HIPK2: variants seen among roughly 807,000 people sequenced by gnomAD.
HIPK2 encodes homeodomain interacting protein kinase 2.
In HIPK2, 27 loss-of-function variants were observed where a neutral mutation model predicts 113.7. That is an observed-to-expected ratio of 0.24 (90% CI 0.17 to 0.33). HIPK2 has a LOEUF of 0.33. HIPK2 is among the 10% of genes least tolerant of loss of function. HIPK2 has a pLI of 1.00. For missense variants in HIPK2, 1,257 were observed against 1,588.0 expected (o/e 0.79, Z 3.54); for synonymous variants, 631 against 642.2 (o/e 0.98, Z 0.26).
intron 1 of HIPK2, among the ~76,000 whole-genome samples, chr7:139,746,961 G>C (rs974221751): frequency 1.3e-5 from 2 of 152,194 alleles, no homozygotes; most frequent in Non-Finnish European, 1.5e-5. Context: ...AAATCAGAAT[G>C]ATAACTAAGT....
intron 6 of HIPK2, among the ~76,000 whole-genome samples, chr7:139,624,833 T>C (rs1217737857): frequency 6.6e-6 from 1 of 152,244 alleles, no homozygotes; most frequent in East Asian, 1.9e-4. Context: ...AAGACTCATC[T>C]GTCTTCTCTA....
At chr7:139,597,086 T>C in intron 11 of HIPK2, 88 bp from the exon 12 acceptor site, 1 of 1,411,330 alleles carries the variant, frequency 7.1e-7, no homozygotes, top group South Asian at 1.4e-5. Context: ...AAACACCTGC[T>C]TTGCCAAATC....
At chr7:139,664,550 C>G (rs1469206742) in intron 2 of HIPK2, among the ~76,000 whole-genome samples, 4 of 151,986 alleles carry the variant, frequency 2.6e-5, no homozygotes, top group African/African-American at 9.7e-5. Flanking sequence ...AAAAAAGTAG[C>G]TTGAGGATTT....
chr7:139,722,545 A>G (rs2116983754), intron 1 of HIPK2, among the ~76,000 whole-genome samples: 1 of 152,292 alleles, frequency 6.6e-6, no homozygotes, highest in African/African-American at 2.4e-5. Context: ...TATGTCTATA[A>G]AATGCTAGAC....
At chr7:139,624,215 G>T (rs1297247375) in intron 6 of HIPK2, among the ~76,000 whole-genome samples, 2 of 152,104 alleles carry the variant, frequency 1.3e-5, no homozygotes, top group Non-Finnish European at 2.9e-5. Context: ...GTAGAGATGG[G>T]GTTTTACCAT....
At chr7:139,719,264 G>A (rs948629643) in intron 1 of HIPK2, among the ~76,000 whole-genome samples, 23 of 151,908 alleles carry the variant, frequency 1.5e-4, no homozygotes, top group African/African-American at 3.4e-4. Flanking sequence ...GCGCCACCAC[G>A]CCCAGCTAAT....
At chr7:139,688,811 A>T (rs192222347) in intron 2 of HIPK2, among the ~76,000 whole-genome samples, 1 of 152,202 alleles carries the variant, frequency 6.6e-6, no homozygotes, top group Non-Finnish European at 1.5e-5. Flanking sequence ...AATGTTCATT[A>T]TAAGACGGAT....
intron 7 of HIPK2, among the ~76,000 whole-genome samples, chr7:139,618,654 G>A (rs190659877): frequency 2.3e-4 from 35 of 152,272 alleles, no homozygotes; most frequent in Non-Finnish European, 3.5e-4. Context: ...GCAAGATGGC[G>A]GTGGCCCCCC....
chr7:139,668,075 G>A (rs938864495), intron 2 of HIPK2, among the ~76,000 whole-genome samples: 3 of 147,272 alleles, frequency 2.0e-5, no homozygotes, highest in African/African-American at 7.5e-5. Context: ...GCAGCAAGCC[G>A]AGATCAAACC....
At position 139,653,584 on chromosome 7, in the gene HIPK2, T is replaced by C. The variant is rs146356510; in HGVS notation, c.1104-21859A>G. ...GCAAAGGAAATCAGCTTCCACTGCCTCAAGAAGCACAGCCTGGGATTACCT... is the reference window on the plus strand; with the variant it reads ...GCAAAGGAAATCAGCTTCCACTGCCCCAAGAAGCACAGCCTGGGATTACCT... On this transcript the variant is annotated intron_variant, in intron 2 of 14. Transcript: ENST00000406875. Among the ~76,000 whole-genome samples, 763 of 151,844 alleles carry C rather than the reference T, an allele frequency of 5.0e-3. 4 individuals carry two copies. Among genetic ancestry groups the C allele is most frequent in the African/African-American group, 0.017 (713 of 41,372 alleles).
At chr7:139,643,599 G>A (rs990400609) in intron 2 of HIPK2, among the ~76,000 whole-genome samples, 2 of 152,154 alleles carry the variant, frequency 1.3e-5, no homozygotes, top group African/African-American at 4.8e-5. Context: ...GAGCATACTG[G>A]CCTCTAAATT....
intron 1 of HIPK2, among the ~76,000 whole-genome samples, chr7:139,740,618 G>C (rs1383112042): frequency 6.6e-6 from 1 of 152,230 alleles, no homozygotes; most frequent in Admixed American, 6.5e-5. Context: ...AGAGCAACTA[G>C]ACAAGGAAGA....
chr7:139,590,524 A>T (rs1171037018), intron 12 of HIPK2, among the ~76,000 whole-genome samples: 1 of 152,188 alleles, frequency 6.6e-6, no homozygotes, highest in Non-Finnish European at 1.5e-5. Flanking sequence ...CATCTCCTCC[A>T]ATAACTTCTT....
intron 2 of HIPK2, among the ~76,000 whole-genome samples, chr7:139,663,084 G>A (rs1429594224): frequency 6.6e-6 from 1 of 151,982 alleles, no homozygotes; most frequent in African/African-American, 2.4e-5. Context: ...CATGACCTTC[G>A]ACACTAATTC....
chr7:139,673,753 T>C (rs1802388779), intron 2 of HIPK2, among the ~76,000 whole-genome samples: 1 of 151,724 alleles, frequency 6.6e-6, no homozygotes, highest in Non-Finnish European at 1.5e-5. Context: ...TGTTAAAAAA[T>C]TTGCTGACTT....
At chr7:139,629,070 C>T (rs10276928) in intron 4 of HIPK2, 31 bp from the exon 5 acceptor site, 185,426 of 1,543,914 alleles carry the variant, frequency 0.12, 13,985 homozygotes, top group African/African-American at 0.37. Flanking sequence ...CAATTGGTAG[C>T]GTGACTTAGC....
intron 2 of HIPK2, among the ~76,000 whole-genome samples, chr7:139,701,522 T>C (rs1239697200): frequency 1.3e-5 from 2 of 152,230 alleles, no homozygotes; most frequent in East Asian, 3.9e-4. Flanking sequence ...CCAACTCACA[T>C]AGCTGGCGGG....
intron 2 of HIPK2, among the ~76,000 whole-genome samples, chr7:139,677,630 G>GCAAA (rs1802549081): frequency 6.6e-6 from 1 of 152,086 alleles, no homozygotes; most frequent in East Asian, 1.9e-4. Context: ...GAACGTGCAG[G>GCAAA]TTTGGTACAT....
intron 1 of HIPK2, among the ~76,000 whole-genome samples, chr7:139,753,672 C>T (rs1350918886): frequency 6.6e-6 from 1 of 152,158 alleles, no homozygotes; most frequent in East Asian, 1.9e-4. Flanking sequence ...AAAGTGTATG[C>T]TTGCAGAGTG....
Sources: allele counts gnomAD v4.1 joint callset (sites outside exome capture counted in the v4.1 genomes callset), GRCh38; gene constraint gnomAD v4.1.1; transcripts MANE v1.5; gene names NCBI Gene and HGNC (gene_info 2026-07-23, HGNC 2026-07-21).